Variants in SPTBN1 observed in about 807,000 individuals in gnomAD.
The protein encoded by SPTBN1 is spectrin beta, non-erythrocytic 1.
In SPTBN1, 32 loss-of-function variants were observed where a neutral mutation model predicts 266.4. The observed-to-expected ratio is 0.12, with a 90% CI of 0.09 to 0.16. SPTBN1 has a LOEUF of 0.16. SPTBN1 is among the 10% of genes least tolerant of loss of function. The probability of loss-of-function intolerance (pLI) is 1.00; values close to 1 mark genes in which losing one functional copy is unlikely to be tolerated. For missense variants in SPTBN1, 2,296 were observed against 3,067.1 expected (o/e 0.75, Z 5.94); for synonymous variants, 1,336 against 1,162.2 (o/e 1.15, Z -3.04).
At chr2:54,496,469 A>G (rs1467277055) in intron 1 of SPTBN1, among the ~76,000 whole-genome samples, 1 of 151,222 alleles carries the variant, frequency 6.6e-6, no homozygotes, top group Non-Finnish European at 1.5e-5. Flanking sequence ...AGTATGAATA[A>G]CAGTAACAGC....
intron 19 of SPTBN1, among the ~76,000 whole-genome samples, chr2:54,643,891 G>A (rs1470873652): frequency 4.6e-5 from 7 of 152,106 alleles, no homozygotes; most frequent in African/African-American, 9.7e-5. Context: ...GCTGAGGCAC[G>A]AGCCCAGGAG....
Position 54,628,438 on chromosome 2 carries a change from C to G in SPTBN1, c.1798+188C>G, listed in dbSNP as rs1053840141. 6.6e-6 allele frequency among the ~76,000 whole-genome samples: 1 copy of G among 152,176 alleles called. No individual in the cohort carries two copies. The highest frequency in any genetic ancestry group is 6.5e-5 in the Admixed American group (1 of 15,280). On this transcript the variant is annotated intron_variant, in intron 13 of 35. Coordinates refer to ENST00000356805, the MANE Select transcript of SPTBN1 (RefSeq NM_003128.3). The surrounding 1 kb of genome is among the most constrained non-coding windows in gnomAD (Gnocchi z 4.3). ...CTTGTTTTTCTGGAATTGATACATCCTTTCCTTAAATACGCAAATGCTGCC... is the reference window on the plus strand; with the variant it reads ...CTTGTTTTTCTGGAATTGATACATCGTTTCCTTAAATACGCAAATGCTGCC...
chr2:54,480,542 T>C (rs776190761), intron 1 of SPTBN1, among the ~76,000 whole-genome samples: 4 of 152,232 alleles, frequency 2.6e-5, no homozygotes, highest in Admixed American at 6.5e-5. Context: ...GCAATCCTAG[T>C]TTTGTAATCC....
At position 54,549,565 on chromosome 2, in the gene SPTBN1, T is replaced by G. The variant is rs189833700; in HGVS notation, c.148+22999T>G. Among the ~76,000 whole-genome samples the G allele has an allele frequency of 3.2e-3, 494 of 152,344 alleles. 1 individual carries two copies. The highest frequency in any genetic ancestry group is 0.011 in the African/African-American group (472 of 41,570). On this transcript the variant is annotated intron_variant, in intron 2 of 35. Transcript: ENST00000356805. Reference sequence around the variant, plus strand: ...GTGTGCCCTTCACTTCTCTTGAGTCTGTGTCTGGTGTACTTTCCATTATTT... The same window carrying G: ...GTGTGCCCTTCACTTCTCTTGAGTCGGTGTCTGGTGTACTTTCCATTATTT...
At chr2:54,549,096 C>A (rs974068732) in intron 2 of SPTBN1, among the ~76,000 whole-genome samples, 1 of 152,004 alleles carries the variant, frequency 6.6e-6, no homozygotes, top group Non-Finnish European at 1.5e-5. Context: ...AGGTCAGAAG[C>A]CTGGCCAATG....
At chr2:54,568,655 G>A (rs1457605061) in intron 2 of SPTBN1, among the ~76,000 whole-genome samples, 1 of 152,106 alleles carries the variant, frequency 6.6e-6, no homozygotes, top group Non-Finnish European at 1.5e-5. Flanking sequence ...TAGTCCTGCA[G>A]TTCTAGAAAT....
chr2:54,465,639 C>CATAT (rs70944167), intron 1 of SPTBN1, among the ~76,000 whole-genome samples: 1,736 of 116,270 alleles, frequency 0.015, 41 homozygotes, highest in African/African-American at 0.036. Context: ...ATGTTTATCT[C>CATAT]ATATATATAT....
chr2:54,556,555 T>C (rs1672892335), intron 2 of SPTBN1, among the ~76,000 whole-genome samples: 1 of 152,218 alleles, frequency 6.6e-6, no homozygotes, highest in South Asian at 2.1e-4. Context: ...TTCAGTGCCA[T>C]AGCTGGACAC....
intron 2 of SPTBN1, among the ~76,000 whole-genome samples, chr2:54,549,059 G>C (rs533774904): frequency 1.3e-5 from 2 of 152,312 alleles, no homozygotes; most frequent in East Asian, 3.9e-4. Flanking sequence ...CCAGCACTTT[G>C]GGAGGCCAAG....
chr2:54,558,707 T>G lies in SPTBN1; in HGVS notation c.148+32141T>G. The G allele has an allele frequency of 6.4e-7, 1 of 1,561,558 alleles. No homozygotes were observed. Among genetic ancestry groups the G allele is most frequent in the Middle Eastern group, 1.8e-4 (1 of 5,466 alleles). The stretch of plus-strand genomic sequence containing the variant: ...CGAGCGCTGCGGAGGCTGCTGCGTG[T>G]TGGATGGGAGTGGGAGGGGGCTGGA... On this transcript the variant is annotated intron_variant, in intron 2 of 35. Coordinates refer to ENST00000356805, the MANE Select transcript of SPTBN1 (RefSeq NM_003128.3). This position sits in a 1 kb window ranked among gnomAD's most constrained non-coding sequence, Gnocchi z 4.6.
intron 2 of SPTBN1, among the ~76,000 whole-genome samples, chr2:54,593,262 C>T (rs1208477668): frequency 1.3e-5 from 2 of 152,078 alleles, no homozygotes; most frequent in African/African-American, 2.4e-5. Context: ...GTTCTCGGGG[C>T]TCCAAGGTCA....
chr2:54,663,129 C>A (rs1432658143), intron 32 of SPTBN1: 2 of 152,170 alleles, frequency 1.3e-5, no homozygotes, highest in East Asian at 1.9e-4. Context: ...TTGGGCCCAG[C>A]CATTAAGATA....
intron 3 of SPTBN1, among the ~76,000 whole-genome samples, chr2:54,605,864 G>C (rs951860506): frequency 7.2e-5 from 11 of 152,154 alleles, no homozygotes; most frequent in Non-Finnish European, 1.0e-4. Context: ...GTTGCATCCA[G>C]GTCTGGAATG....
At chr2:54,569,907 T>C (rs1346064387) in intron 2 of SPTBN1, among the ~76,000 whole-genome samples, 1 of 151,738 alleles carries the variant, frequency 6.6e-6, no homozygotes, top group East Asian at 1.9e-4. Context: ...GTTCTGGGTG[T>C]GGTTTCCTTT....
intron 1 of SPTBN1, among the ~76,000 whole-genome samples, chr2:54,487,093 G>A (rs1668435051): frequency 6.6e-6 from 1 of 150,536 alleles, no homozygotes. Context: ...TTGGTATTAG[G>A]TAATATACAC....
At chr2:54,568,466 G>GT (rs1367625213) in intron 2 of SPTBN1, among the ~76,000 whole-genome samples, 2 of 151,656 alleles carry the variant, frequency 1.3e-5, no homozygotes, top group Non-Finnish European at 2.9e-5. Context: ...GGAGTTTTTG[G>GT]TTTTTTTGAA....
intron 2 of SPTBN1, among the ~76,000 whole-genome samples, chr2:54,560,692 A>T (rs1441082542): frequency 6.6e-6 from 1 of 152,186 alleles, no homozygotes; most frequent in Non-Finnish European, 1.5e-5. Context: ...CTTGTCTCCT[A>T]ATTTAGCCCC....
At chr2:54,584,791 A>G (rs1446703597) in intron 2 of SPTBN1, among the ~76,000 whole-genome samples, 1 of 152,208 alleles carries the variant, frequency 6.6e-6, no homozygotes, top group Non-Finnish European at 1.5e-5. Context: ...TAGCTGAACA[A>G]TAAGACTACA....
chr2:54,620,112 T>G (rs1363343161), intron 7 of SPTBN1, among the ~76,000 whole-genome samples: 1 of 152,234 alleles, frequency 6.6e-6, no homozygotes, highest in African/African-American at 2.4e-5. Context: ...AGTACCTATT[T>G]ATTGACCACC....
Sources: allele counts gnomAD v4.1 joint callset (sites outside exome capture counted in the v4.1 genomes callset), GRCh38; gene constraint gnomAD v4.1.1; non-coding constraint Gnocchi (gnomAD v3.1); transcripts MANE v1.5; gene names NCBI Gene and HGNC (gene_info 2026-07-23, HGNC 2026-07-21).